ST6GALNAC1: variants seen among roughly 807,000 people sequenced by gnomAD.
ST6GALNAC1 encodes the protein alpha-N-acetylgalactosaminide alpha-2,6-sialyltransferase 1.
Under a neutral mutation model 56.8 loss-of-function variants are expected in ST6GALNAC1, and 45 were observed. The ratio of observed to expected loss-of-function variants is 0.79; its 90% CI spans 0.62 to 1.02. The LOEUF is 1.02. ST6GALNAC1 is among the 50% of genes least tolerant of loss of function. ST6GALNAC1 has a pLI of 0.00. For missense variants in ST6GALNAC1, 743 were observed against 754.8 expected, an observed-to-expected ratio of 0.98 and a Z score of 0.18; for synonymous variants, 295 against 297.8, an observed-to-expected ratio of 0.99 and a Z score of 0.10.
chr17:76,621,861 T>G (rs978528724), downstream of ST6GALNAC1, among the ~76,000 whole-genome samples: 1 of 152,160 alleles, frequency 6.6e-6, no homozygotes, highest in African/African-American at 2.4e-5. Flanking sequence ...TCTGAACCTT[T>G]ACTGGTTCAG....
chr17:76,631,791 C>G (rs2075905212), intron 1 of ST6GALNAC1, among the ~76,000 whole-genome samples: 2 of 152,078 alleles, frequency 1.3e-5, no homozygotes, highest in African/African-American at 4.8e-5. Context: ...CGGTCACATA[C>G]TACATGACAT....
In ST6GALNAC1 at chr17:76,632,393, G is replaced by A. The variant is rs79482766; in HGVS notation, c.132-2682C>T. 2.3e-3 allele frequency among the ~76,000 whole-genome samples: 357 copies of A among 152,134 alleles called. 2 individuals carry two copies. The highest frequency in any genetic ancestry group is 8.1e-3 in the African/African-American group (336 of 41,504). On this transcript the variant is annotated intron_variant, in intron 1 of 8. Coordinates refer to ENST00000156626, the MANE Select transcript of ST6GALNAC1 (RefSeq NM_018414.5). ...CCACACATAGCATGGACAGCTGGCC[G>A]TCTGCTTAGTGGCCACACTGACCCT...
At chr17:76,624,173 C>T (rs1367758495), downstream of ST6GALNAC1, among the ~76,000 whole-genome samples, 1 of 152,088 alleles carries the variant, frequency 6.6e-6, no homozygotes, top group South Asian at 2.1e-4. Context: ...AGCGAAGCTC[C>T]CCTCTCTCCC....
At chr17:76,640,365 C>T (rs892766578) in intron 1 of ST6GALNAC1, among the ~76,000 whole-genome samples, 1 of 152,164 alleles carries the variant, frequency 6.6e-6, no homozygotes, top group African/African-American at 2.4e-5. Flanking sequence ...TAGACCAGAA[C>T]CAGGCATCGC....
Position 76,626,090 on chromosome 17 carries a change from C to T in ST6GALNAC1, c.1421G>A (p.Arg474Lys). 1 of 1,614,112 alleles carries T rather than the reference C, an allele frequency of 6.2e-7. No homozygotes were observed. Among genetic ancestry groups the T allele is most frequent in the Non-Finnish European group, 8.5e-7 (1 of 1,180,012 alleles). Residue 474 changes from arginine to lysine, a missense_variant, in exon 7 of 9, where the codon AGA becomes AAA. Coordinates refer to ENST00000156626, the MANE Select transcript of ST6GALNAC1 (RefSeq NM_018414.5). ...GGCTTCCCGAAAAGCTTCCTGGGGT[C>T]TGTGCCTGTGGTTAGGAAGGGGTCA... ...MSKNLFWFRH[R>K]PQEAFREALH...
At chr17:76,642,391 A>G (rs1293284788) in intron 1 of ST6GALNAC1, among the ~76,000 whole-genome samples, 1 of 152,120 alleles carries the variant, frequency 6.6e-6, no homozygotes, top group Middle Eastern at 3.2e-3. Context: ...GTGTCCTAAT[A>G]ATGAGAATTA....
At chr17:76,629,781 T>G (rs2075865957) in intron 1 of ST6GALNAC1, 70 bp from the exon 2 acceptor site, 16 of 1,203,228 alleles carry the variant, frequency 1.3e-5, no homozygotes, top group Non-Finnish European at 1.8e-5. Flanking sequence ...AAGTAGTTTT[T>G]TGTTTTTTTT....
the ST6GALNAC1 span, among the ~76,000 whole-genome samples, chr17:76,618,875 T>A: frequency 6.6e-6 from 1 of 151,824 alleles, no homozygotes; most frequent in South Asian, 2.1e-4. Flanking sequence ...ACCTAGGAGG[T>A]GGAGGTTGCA....
Position 76,629,134 on chromosome 17 carries a change from G to A in ST6GALNAC1, c.709C>T (p.Pro237Ser), listed in dbSNP as rs748904344. The change falls in exon 2 of 9, where the codon CCT becomes TCT. Residue 237 changes from proline (P) to serine (S), a missense_variant. By Grantham distance (74) the Pro-to-Ser change is moderately conservative. Transcript: ENST00000156626. ...GTCGTGGGGCTCTGGAAAGGGGCAG[G>A]GGGTGGGGTGGCCTGAGGTTTCTTC... ...KEKKPQATPP[P>S]APFQSPTTQR... The A allele has an allele frequency of 9.9e-6, 16 of 1,613,588 alleles. No individual in the cohort carries two copies. Among genetic ancestry groups the A allele is most frequent in the Middle Eastern group, 1.6e-4 (1 of 6,080 alleles).
At chr17:76,631,782 G>A (rs1433791896) in intron 1 of ST6GALNAC1, among the ~76,000 whole-genome samples, 1 of 151,952 alleles carries the variant, frequency 6.6e-6, no homozygotes. Context: ...CAGGGGTCTC[G>A]GTCACATACT....
At chr17:76,643,382 C>T in intron 1 of ST6GALNAC1, 126 bp downstream of exon 1, 1 of 1,044,172 alleles carries the variant, frequency 9.6e-7, no homozygotes. Context: ...TGAGAACACT[C>T]CTGACCCCTG....
intron 8 of ST6GALNAC1, 104 bp downstream of exon 8, chr17:76,625,715 C>A: frequency 8.4e-7 from 1 of 1,190,418 alleles, no homozygotes; most frequent in Non-Finnish European, 1.2e-6. Flanking sequence ...TCTTTCCCAG[C>A]AGATGTGGGC....
rs777427728 is a variant in ST6GALNAC1 at position 76,626,719 on chromosome 17, CGGTAAAG to C, written c.1236_1242del (p.Phe413ProfsTer4). ...AGGAGTGACTGGGTCAGGGAGAAGGCGGTAAAGCCGTAGAAGGATGTCCGAGTCCCCA... is the reference window on the plus strand; with the variant it reads ...AGGAGTGACTGGGTCAGGGAGAAGGCCCGTAGAAGGATGTCCGAGTCCCCA... On this transcript the variant is annotated frameshift_variant, in exon 5 of 9. Coordinates refer to ENST00000156626, the MANE Select transcript of ST6GALNAC1 (RefSeq NM_018414.5). LOFTEE classifies it high-confidence loss of function. The C allele has an allele frequency of 6.2e-7, 1 of 1,614,212 alleles. No homozygotes were observed. Among genetic ancestry groups the C allele is most frequent in the South Asian group, 1.1e-5 (1 of 91,090 alleles).
downstream of ST6GALNAC1, among the ~76,000 whole-genome samples, chr17:76,623,133 C>T (rs1298702230): frequency 2.0e-5 from 3 of 152,190 alleles, no homozygotes; most frequent in Non-Finnish European, 4.4e-5. Flanking sequence ...AGTTTGATTT[C>T]TTTCTAAATG....
At chr17:76,641,783 G>A (rs1232648000) in intron 1 of ST6GALNAC1, 1 of 152,160 alleles carries the variant, frequency 6.6e-6, no homozygotes, top group Non-Finnish European at 1.5e-5. Context: ...ACTTGATAGG[G>A]GTTGGTTAAG....
In ST6GALNAC1 at chr17:76,629,569, G is replaced by C; in HGVS notation, c.274C>G (p.Pro92Ala). 1 of 1,613,924 alleles carries C rather than the reference G, an allele frequency of 6.2e-7. No homozygotes were observed. The highest frequency in any genetic ancestry group is 8.5e-7 in the Non-Finnish European group (1 of 1,179,956). Residue 92 changes from proline to alanine, a missense_variant, in exon 2 of 9, where the codon CCC (proline) becomes GCC (alanine). Pro to Ala is a conservative substitution (Grantham distance 27). Transcript: ENST00000156626. ...CTGTCTCCGGTGGTGTGGGCCTTGGGCTGGGTTTGTGTGTTGAGGGCATTG... is the reference window on the plus strand; with the variant it reads ...CTGTCTCCGGTGGTGTGGGCCTTGGCCTGGGTTTGTGTGTTGAGGGCATTG... Reference protein sequence around the residue: ...ENNALNTQTQPKAHTTGDRGK... With the variant: ...ENNALNTQTQAKAHTTGDRGK...
downstream of ST6GALNAC1, among the ~76,000 whole-genome samples, chr17:76,620,888 C>A (rs2075733243): frequency 6.6e-6 from 1 of 152,162 alleles, no homozygotes; most frequent in Admixed American, 6.6e-5. Flanking sequence ...AGCCACCATG[C>A]CTGGTCGCAT....
chr17:76,631,063 CTCTG>C (rs746881726), intron 1 of ST6GALNAC1, among the ~76,000 whole-genome samples: 7 of 74,398 alleles, frequency 9.4e-5, no homozygotes, highest in African/African-American at 3.0e-4. Flanking sequence ...CCCAGCTAAT[CTCTG>C]TGTGTGTGTG....
intron 4 of ST6GALNAC1, 59 bp from the exon 5 acceptor site, chr17:76,626,848 G>A: frequency 6.3e-7 from 1 of 1,597,174 alleles, no homozygotes; most frequent in African/African-American, 1.3e-5. Flanking sequence ...ATTTGTGTAG[G>A]TGGATGGGGA....
Sources: allele counts gnomAD v4.1 joint callset (sites outside exome capture counted in the v4.1 genomes callset), GRCh38; gene constraint gnomAD v4.1.1; transcripts MANE v1.5; gene names NCBI Gene and HGNC (gene_info 2026-07-23, HGNC 2026-07-21).